The following DAAM1 variants were observed in gnomAD, a reference collection of about 807,000 sequenced individuals.
The protein encoded by DAAM1 is disheveled-associated activator of morphogenesis 1.
DAAM1 carries 52 observed loss-of-function variants against 130.0 expected under a neutral mutation model. The observed-to-expected ratio is 0.40, with a 90% CI of 0.32 to 0.50. The LOEUF is 0.50. Ranked by LOEUF, DAAM1 falls within the 20% of genes least tolerant of loss-of-function variation. The pLI, the probability that DAAM1 is intolerant of heterozygous loss-of-function variation, is 0.61. For synonymous variants in DAAM1, 452 were observed against 444.5 expected, an observed-to-expected ratio of 1.02 and a Z score of -0.21; for missense variants, 1,134 against 1,303.8, an observed-to-expected ratio of 0.87 and a Z score of 2.01.
chr14:59,362,346 T>TG (rs1488063752), intron 22 of DAAM1: 2 of 152,182 alleles, frequency 1.3e-5, no homozygotes, highest in Non-Finnish European at 2.9e-5. Flanking sequence ...AAGAAAATAG[T>TG]GGGGGCAGAG....
intron 17 of DAAM1, 83 bp from the exon 18 acceptor site, chr14:59,352,443 G>A: frequency 9.9e-7 from 1 of 1,010,018 alleles, no homozygotes; most frequent in South Asian, 1.5e-5. Context: ...TTTATCTTGG[G>A]ACAGATTAAC....
At position 59,347,594 on chromosome 14, in the gene DAAM1, G is replaced by C. The variant is rs1385813135; in HGVS notation, c.2131G>C (p.Glu711Gln). 1 of 1,613,890 alleles carries C rather than the reference G, an allele frequency of 6.2e-7. No individual in the cohort carries two copies. Among genetic ancestry groups the C allele is most frequent in the Admixed American group, 1.7e-5 (1 of 60,020 alleles). Residue 711 changes from glutamate (E) to glutamine (Q), a missense_variant, in exon 17 of 25, where the codon GAA becomes CAA. Glu to Gln is a conservative substitution (Grantham distance 29). Coordinates refer to ENST00000360909, the MANE Select transcript of DAAM1 (RefSeq NM_001270520.2). ...KRAILTMDEQ[E>Q]DLPKDMLEQL... ...GGCAATTCTAACAATGGACGAACAG[G>C]AAGATCTGCCCAAGGACATGTTGGA...
At chr14:59,214,508 C>G (rs138676254) in intron 1 of DAAM1, among the ~76,000 whole-genome samples, 4 of 152,320 alleles carry the variant, frequency 2.6e-5, no homozygotes, top group African/African-American at 4.8e-5. Flanking sequence ...TTTGACAGAT[C>G]GACCTCAACC....
chr14:59,366,316 G>A (rs922521424), intron 23 of DAAM1, among the ~76,000 whole-genome samples: 1 of 152,048 alleles, frequency 6.6e-6, no homozygotes, highest in African/African-American at 2.4e-5. Context: ...ATACACTTTG[G>A]GTTGCATTAA....
intron 1 of DAAM1, among the ~76,000 whole-genome samples, chr14:59,194,783 G>T (rs1044420494): frequency 2.0e-5 from 3 of 152,180 alleles, no homozygotes; most frequent in African/African-American, 7.2e-5. Flanking sequence ...AGCAAATTTG[G>T]TGCCAAATAA....
At chr14:59,297,534 T>A (rs1418629438) in intron 3 of DAAM1, among the ~76,000 whole-genome samples, 1 of 152,156 alleles carries the variant, frequency 6.6e-6, no homozygotes, top group Non-Finnish European at 1.5e-5. Flanking sequence ...TAAAGAAATT[T>A]TAATGACATG....
At chr14:59,352,009 T>C (rs910031500) in intron 17 of DAAM1, among the ~76,000 whole-genome samples, 10 of 152,020 alleles carry the variant, frequency 6.6e-5, no homozygotes, top group African/African-American at 2.4e-4. Flanking sequence ...AAAAAAAAGA[T>C]TGAATTAGAT....
At chr14:59,352,753 T>G in intron 18 of DAAM1, 121 bp downstream of exon 18, 1 of 825,502 alleles carries the variant, frequency 1.2e-6, no homozygotes, top group Non-Finnish European at 1.9e-6. Flanking sequence ...GCTTTTTCAT[T>G]CTAAAAATCT....
intron 2 of DAAM1, among the ~76,000 whole-genome samples, chr14:59,288,443 C>T (rs181952040): frequency 1.3e-5 from 2 of 152,232 alleles, no homozygotes; most frequent in Non-Finnish European, 2.9e-5. Context: ...AACAGTTTCT[C>T]CACAGCAAAA....
At chr14:59,233,854 G>A (rs1594771261) in intron 1 of DAAM1, among the ~76,000 whole-genome samples, 1 of 152,148 alleles carries the variant, frequency 6.6e-6, no homozygotes, top group Non-Finnish European at 1.5e-5. Flanking sequence ...CATATGGCTA[G>A]CCAGTTTTCC....
At chr14:59,286,300 T>C (rs1243619659) in intron 2 of DAAM1, among the ~76,000 whole-genome samples, 1 of 152,102 alleles carries the variant, frequency 6.6e-6, no homozygotes, top group East Asian at 1.9e-4. Context: ...AAGAAGAAAG[T>C]CTGTTGTGCT....
At chr14:59,241,162 A>G (rs1194867489) in intron 1 of DAAM1, among the ~76,000 whole-genome samples, 2 of 152,206 alleles carry the variant, frequency 1.3e-5, no homozygotes, top group East Asian at 3.8e-4. Flanking sequence ...CATATACTGC[A>G]TTTTGTATGT....
At chr14:59,330,041 G>A (rs1469901701) in intron 12 of DAAM1, among the ~76,000 whole-genome samples, 1 of 152,212 alleles carries the variant, frequency 6.6e-6, no homozygotes, top group Non-Finnish European at 1.5e-5. Context: ...CCAGCCCTTC[G>A]GCTGGTTGGA....
chr14:59,328,616 A>T (rs1297647351), intron 12 of DAAM1, among the ~76,000 whole-genome samples: 1 of 152,146 alleles, frequency 6.6e-6, no homozygotes, highest in Non-Finnish European at 1.5e-5. Context: ...CTTCTCCCCC[A>T]GTCTCGACCT....
chr14:59,300,127 A>G (rs1240927298), intron 3 of DAAM1: 1 of 152,194 alleles, frequency 6.6e-6, no homozygotes, highest in Non-Finnish European at 1.5e-5. Context: ...GTATTTTTTG[A>G]TGAAAACATT....
chr14:59,246,307 G>A (rs887390028), intron 1 of DAAM1, among the ~76,000 whole-genome samples: 6 of 152,030 alleles, frequency 3.9e-5, no homozygotes, highest in African/African-American at 1.2e-4. Flanking sequence ...GGAATCATAC[G>A]GTATTTGTCT....
At chr14:59,209,909 G>A (rs1888375934) in intron 1 of DAAM1, among the ~76,000 whole-genome samples, 1 of 151,992 alleles carries the variant, frequency 6.6e-6, no homozygotes, top group Non-Finnish European at 1.5e-5. Context: ...TTGAGCCCAG[G>A]AGTTTGAGAG....
intron 6 of DAAM1, among the ~76,000 whole-genome samples, chr14:59,323,473 C>A (rs1429703213): frequency 6.6e-6 from 1 of 152,130 alleles, no homozygotes; most frequent in Non-Finnish European, 1.5e-5. Flanking sequence ...TCCTATATGT[C>A]ATATAGCACA....
Position 59,272,938 on chromosome 14 carries a change from T to G in DAAM1, c.183+9278T>G, listed in dbSNP as rs549769443. ...CAGTTATTTTGGCCCTGAGAACAAC[T>G]GATGGTTTATGATATAGGCTGATAT... On this transcript the variant is annotated intron_variant, in intron 2 of 24. Transcript: ENST00000360909. 1.2e-4 allele frequency among the ~76,000 whole-genome samples: 18 copies of G among 152,282 alleles called. No individual in the cohort carries two copies. In the South Asian group the frequency reaches 2.5e-3, roughly 21 times the overall value.
Sources: gnomAD v4.1 joint callset for allele counts (sites outside exome capture counted in the v4.1 genomes callset) on GRCh38, gnomAD v4.1.1 for gene constraint, MANE v1.5 for transcripts, NCBI Gene and HGNC (gene_info 2026-07-23, HGNC 2026-07-21) for gene names.